Variants in FHIT observed in about 807,000 individuals in gnomAD.
FHIT encodes the protein fragile histidine triad diadenosine triphosphatase.
Under a neutral mutation model 17.9 loss-of-function variants are expected in FHIT, and 19 were observed. That is an observed-to-expected ratio of 1.06 (90% CI 0.74 to 1.56). The LOEUF is 1.56. Ranked by LOEUF, FHIT falls within the 40% of genes most tolerant of loss-of-function variation. The pLI is 0.00. For missense variants in FHIT, 248 were observed against 189.2 expected (o/e 1.31, Z -1.82); for synonymous variants, 81 against 69.7 (o/e 1.16, Z -0.81).
At chr3:60,339,886 GA>G (rs958996880) in intron 5 of FHIT, among the ~76,000 whole-genome samples, 3 of 152,044 alleles carry the variant, frequency 2.0e-5, no homozygotes, top group Non-Finnish European at 4.4e-5. Flanking sequence ...CAGACTTTGA[GA>G]TTTTTTTTTA....
intron 5 of FHIT, among the ~76,000 whole-genome samples, chr3:60,449,427 T>TACACACACAC (rs140706888): frequency 4.0e-5 from 6 of 149,792 alleles, no homozygotes; most frequent in African/African-American, 7.3e-5. Flanking sequence ...CATATGCGCA[T>TACACACACAC]ACACACACAC....
intron 3 of FHIT, among the ~76,000 whole-genome samples, chr3:60,982,006 T>A (rs1457866851): frequency 6.6e-6 from 1 of 152,206 alleles, no homozygotes; most frequent in Admixed American, 6.5e-5. Flanking sequence ...GGTTGCTTAT[T>A]AATTACCATC....
intron 5 of FHIT, among the ~76,000 whole-genome samples, chr3:60,185,218 T>C (rs1702107437): frequency 6.6e-6 from 1 of 152,060 alleles, no homozygotes; most frequent in South Asian, 2.1e-4. Context: ...GTATCCACCA[T>C]TTACAGCGTC....
At chr3:60,360,366 A>C (rs1699855292) in intron 5 of FHIT, among the ~76,000 whole-genome samples, 1 of 152,138 alleles carries the variant, frequency 6.6e-6, no homozygotes, top group Non-Finnish European at 1.5e-5. Flanking sequence ...AAATAATGCT[A>C]AGAAAGAGAA....
chr3:60,321,242 G>A (rs1015271810), intron 5 of FHIT, among the ~76,000 whole-genome samples: 4 of 152,168 alleles, frequency 2.6e-5, no homozygotes, highest in Non-Finnish European at 4.4e-5. Context: ...TACTCTGGGA[G>A]GCTGGGGCAG....
At chr3:60,144,089 T>C (rs1161184380) in intron 5 of FHIT, among the ~76,000 whole-genome samples, 1 of 152,182 alleles carries the variant, frequency 6.6e-6, no homozygotes, top group Non-Finnish European at 1.5e-5. Context: ...GTGTGCTTTA[T>C]TCAAAAGATA....
intron 5 of FHIT, among the ~76,000 whole-genome samples, chr3:60,339,072 T>C (rs1403431030): frequency 1.3e-5 from 2 of 152,226 alleles, no homozygotes; most frequent in Non-Finnish European, 2.9e-5. Context: ...TTTATGAATA[T>C]ACACATATAA....
chr3:60,913,380 G>A (rs1330202290), intron 3 of FHIT, among the ~76,000 whole-genome samples: 1 of 152,216 alleles, frequency 6.6e-6, no homozygotes, highest in Non-Finnish European at 1.5e-5. Context: ...TACTCAAACT[G>A]TGAACCACAG....
At chr3:60,768,577 G>A (rs1699929297) in intron 4 of FHIT, among the ~76,000 whole-genome samples, 1 of 152,202 alleles carries the variant, frequency 6.6e-6, no homozygotes, top group Non-Finnish European at 1.5e-5. Context: ...CATCAATAAG[G>A]AAATCTGTTG....
intron 2 of FHIT, among the ~76,000 whole-genome samples, chr3:61,091,200 T>TA (rs1371808141): frequency 6.6e-6 from 1 of 152,014 alleles, no homozygotes; most frequent in Non-Finnish European, 1.5e-5. Flanking sequence ...ACTCTTGCGA[T>TA]AAAAAAATAA....
chr3:59,881,121 C>G (rs750677989), intron 8 of FHIT, among the ~76,000 whole-genome samples: 6 of 152,142 alleles, frequency 3.9e-5, no homozygotes, highest in Non-Finnish European at 7.3e-5. Flanking sequence ...TTTGGTGCCA[C>G]GTCTCAACAA....
chr3:60,629,906 C>G (rs994570337), intron 4 of FHIT, among the ~76,000 whole-genome samples: 4 of 152,172 alleles, frequency 2.6e-5, no homozygotes, highest in African/African-American at 9.7e-5. Context: ...TTCTCAGAGC[C>G]TAAAACAGTG....
intron 3 of FHIT, among the ~76,000 whole-genome samples, chr3:60,931,310 C>T: frequency 6.6e-6 from 1 of 152,106 alleles, no homozygotes; most frequent in Non-Finnish European, 1.5e-5. Flanking sequence ...CACATGTATA[C>T]ATATGTAACA....
intron 8 of FHIT, among the ~76,000 whole-genome samples, chr3:59,899,363 C>A (rs975404849): frequency 5.9e-5 from 9 of 152,302 alleles, no homozygotes; most frequent in African/African-American, 2.2e-4. Context: ...AAGGACTGAA[C>A]TCTCTTAAGG....
At chr3:61,147,825 T>C (rs1007620332) in intron 2 of FHIT, among the ~76,000 whole-genome samples, 1 of 151,984 alleles carries the variant, frequency 6.6e-6, no homozygotes, top group African/African-American at 2.4e-5. Flanking sequence ...AGTTCCTTTT[T>C]CACCCTTGGA....
intron 5 of FHIT, among the ~76,000 whole-genome samples, chr3:60,061,689 G>C (rs532262326): frequency 6.6e-6 from 1 of 152,304 alleles, no homozygotes; most frequent in South Asian, 2.1e-4. Flanking sequence ...AGTAAACAGA[G>C]AGGGTTCTTT....
chr3:60,551,572 GGGGGAGGA>G (rs2036558075), intron 4 of FHIT, among the ~76,000 whole-genome samples: 1 of 4,644 alleles, frequency 2.2e-4, no homozygotes, highest in Non-Finnish European at 3.7e-4. Flanking sequence ...GGGGGAGGAG[GGGGGAGGA>G]GGGGAGGAGA....
At chr3:60,550,416 T>G (rs1303958304) in intron 4 of FHIT, among the ~76,000 whole-genome samples, 1 of 152,124 alleles carries the variant, frequency 6.6e-6, no homozygotes, top group East Asian at 1.9e-4. Flanking sequence ...CCTGTAACAT[T>G]TTTATACAAA....
intron 5 of FHIT, among the ~76,000 whole-genome samples, chr3:60,308,249 T>A (rs1434306298): frequency 2.0e-5 from 3 of 152,114 alleles, no homozygotes; most frequent in Admixed American, 1.3e-4. Flanking sequence ...CACATATGGA[T>A]GACAGTATTA....
Sources: gnomAD v4.1 joint callset for allele counts (sites outside exome capture counted in the v4.1 genomes callset) on GRCh38, gnomAD v4.1.1 for gene constraint, MANE v1.5 for transcripts, NCBI Gene and HGNC (gene_info 2026-07-23, HGNC 2026-07-21) for gene names.